CADM1: variants seen among roughly 807,000 people sequenced by gnomAD.
CADM1 encodes the protein TSLC-1.
CADM1 carries 15 observed loss-of-function variants against 53.1 expected under a neutral mutation model. The ratio of observed to expected loss-of-function variants is 0.28; its 90% CI spans 0.19 to 0.44. CADM1 has a LOEUF of 0.44. Among genes scored for constraint, CADM1 ranks in the 20% least tolerant of loss-of-function variants. CADM1 has a pLI of 1.00. For synonymous variants in CADM1, 281 were observed against 243.0 expected, an observed-to-expected ratio of 1.16 and a Z score of -1.45; for missense variants, 434 against 611.3, an observed-to-expected ratio of 0.71 and a Z score of 3.06.
rs539736403 is a variant in CADM1 at position 115,173,538 on chromosome 11, T to C, written c.*2936A>G. The C allele has an allele frequency of 8.5e-4, 138 of 162,308 alleles. No individual in the cohort carries two copies. The highest frequency in any genetic ancestry group is 3.2e-3 in the African/African-American group (132 of 41,774). 10.1% of individuals were successfully genotyped at this position (162,308 alleles called of 1,614,324 possible). ...CTGCCAGCGTTCCTGGCCCCGTACA[T>C]GGTCCTAAGGAGGAAGCTGGGACCA... On this transcript the variant is annotated 3_prime_UTR_variant, in exon 12 of 12. Coordinates refer to ENST00000331581, the MANE Select transcript of CADM1 (RefSeq NM_001301043.2).
intron 1 of CADM1, among the ~76,000 whole-genome samples, chr11:115,501,766 CTGGG>C (rs1345023008): frequency 6.6e-6 from 1 of 152,066 alleles, no homozygotes; most frequent in Non-Finnish European, 1.5e-5. Context: ...TTCTTTAACC[CTGGG>C]AGTGGGAACT....
At chr11:115,406,130 T>A (rs1010299401) in intron 1 of CADM1, among the ~76,000 whole-genome samples, 1 of 152,222 alleles carries the variant, frequency 6.6e-6, no homozygotes, top group Non-Finnish European at 1.5e-5. Flanking sequence ...CTTGACTTTA[T>A]ATTGGTATAA....
At chr11:115,427,419 A>G (rs1947917683) in intron 1 of CADM1, among the ~76,000 whole-genome samples, 1 of 152,220 alleles carries the variant, frequency 6.6e-6, no homozygotes, top group South Asian at 2.1e-4. Context: ...GCAGGTGTAG[A>G]ATGATGAGGA....
intron 8 of CADM1, among the ~76,000 whole-genome samples, chr11:115,207,971 A>G (rs1411741241): frequency 6.6e-6 from 1 of 152,256 alleles, no homozygotes; most frequent in Non-Finnish European, 1.5e-5. Context: ...TCTTAGTATG[A>G]AAAGCTGATA....
intron 1 of CADM1, among the ~76,000 whole-genome samples, chr11:115,503,231 C>G (rs915481229): frequency 1.3e-5 from 2 of 152,230 alleles, no homozygotes; most frequent in Non-Finnish European, 2.9e-5. Flanking sequence ...AAACACTGCC[C>G]TCTTCTTTCC....
intron 1 of CADM1, among the ~76,000 whole-genome samples, chr11:115,494,081 T>G (rs1200206018): frequency 6.6e-6 from 1 of 152,186 alleles, no homozygotes; most frequent in Admixed American, 6.5e-5. Flanking sequence ...TGATGCAATG[T>G]GCTTTCATGT....
intron 3 of CADM1, among the ~76,000 whole-genome samples, chr11:115,233,661 A>T (rs1331788917): frequency 6.6e-6 from 1 of 152,236 alleles, no homozygotes; most frequent in African/African-American, 2.4e-5. Context: ...AAATGAAAAC[A>T]ACTAAGGTGT....
intron 1 of CADM1, among the ~76,000 whole-genome samples, chr11:115,435,628 G>A (rs1203153618): frequency 1.3e-5 from 2 of 152,184 alleles, no homozygotes; most frequent in African/African-American, 4.8e-5. Context: ...AGCTACTCAG[G>A]AGGCTGAGGC....
chr11:115,483,377 G>A (rs1949299174), intron 1 of CADM1, among the ~76,000 whole-genome samples: 1 of 152,102 alleles, frequency 6.6e-6, no homozygotes, highest in East Asian at 1.9e-4. Flanking sequence ...AATGTGAATT[G>A]GCATACGGCA....
Position 115,176,159 on chromosome 11 carries a change from C to A in CADM1, c.*315G>T. 8.5e-7 allele frequency: 1 copy of A among 1,177,090 alleles called. No homozygotes were observed. The highest frequency in any genetic ancestry group is 1.7e-5 in the South Asian group (1 of 57,242). 72.9% of individuals were successfully genotyped at this position (1,177,090 alleles called of 1,614,324 possible). ...AAAGGGGGAAAAGAAAGGAACGCAACAAACAAACAAAAAACAAGGCACAGA... is the reference window on the plus strand; with the variant it reads ...AAAGGGGGAAAAGAAAGGAACGCAAAAAACAAACAAAAAACAAGGCACAGA... On this transcript the variant is annotated 3_prime_UTR_variant, in exon 12 of 12. Coordinates refer to ENST00000331581, the MANE Select transcript of CADM1 (RefSeq NM_001301043.2).
chr11:115,425,620 G>T (rs1947870484), intron 1 of CADM1, among the ~76,000 whole-genome samples: 1 of 152,278 alleles, frequency 6.6e-6, no homozygotes, highest in East Asian at 1.9e-4. Flanking sequence ...TTAAGCTTTG[G>T]GTTAGATTGC....
intron 1 of CADM1, among the ~76,000 whole-genome samples, chr11:115,278,781 G>C (rs749008878): frequency 3.9e-5 from 6 of 152,310 alleles, no homozygotes; most frequent in Non-Finnish European, 7.4e-5. Flanking sequence ...GCCTGAACCA[G>C]GGAGGGAGGA....
chr11:115,369,330 T>C (rs1476299520), intron 1 of CADM1, among the ~76,000 whole-genome samples: 1 of 152,186 alleles, frequency 6.6e-6, no homozygotes, highest in East Asian at 1.9e-4. Flanking sequence ...TTAAGAAAGC[T>C]GTAATTTTTA....
intron 5 of CADM1, among the ~76,000 whole-genome samples, chr11:115,220,256 A>G (rs1293457376): frequency 6.6e-6 from 1 of 152,144 alleles, no homozygotes; most frequent in Admixed American, 6.6e-5. Context: ...ACTTCCATCA[A>G]TAATAAAGAC....
In CADM1 at chr11:115,171,170, G is replaced by A. The variant is rs1032624321; in HGVS notation, c.*5304C>T. On this transcript the variant is annotated 3_prime_UTR_variant, in exon 12 of 12. Coordinates refer to ENST00000331581, the MANE Select transcript of CADM1 (RefSeq NM_001301043.2). ...TGGCTGTGAATACAAATTTCACCCT[G>A]AAGGAATGTGGCTGCCAGTTCTTCA... The A allele has an allele frequency of 2.0e-5, 3 of 152,214 alleles. No individual in the cohort carries two copies. Among genetic ancestry groups the A allele is most frequent in the African/African-American group, 7.2e-5 (3 of 41,458 alleles). The allele number at this position is 152,214 out of a possible 1,614,324, so 9.4% of individuals were successfully genotyped here.
chr11:115,453,280 T>C (rs1014160727), intron 1 of CADM1, among the ~76,000 whole-genome samples: 3 of 151,724 alleles, frequency 2.0e-5, no homozygotes, highest in African/African-American at 4.8e-5. Context: ...GGGAGATGGA[T>C]TGCTTGAGCC....
intron 10 of CADM1, among the ~76,000 whole-genome samples, chr11:115,181,941 C>T (rs937511296): frequency 6.6e-6 from 1 of 152,162 alleles, no homozygotes; most frequent in African/African-American, 2.4e-5. Flanking sequence ...GAAGGAAATA[C>T]CGAGCACTAA....
chr11:115,248,499 A>G (rs1008594976), intron 1 of CADM1, among the ~76,000 whole-genome samples: 3 of 152,190 alleles, frequency 2.0e-5, no homozygotes, highest in African/African-American at 7.2e-5. Context: ...CTAAACTTGA[A>G]GATCTGAATT....
intron 1 of CADM1, among the ~76,000 whole-genome samples, chr11:115,464,646 C>A (rs1185904755): frequency 6.6e-6 from 1 of 152,124 alleles, no homozygotes; most frequent in Non-Finnish European, 1.5e-5. Context: ...TCAAGTGGAA[C>A]TTTTTTGTTT....
Sources: gnomAD v4.1 joint callset for allele counts (sites outside exome capture counted in the v4.1 genomes callset) on GRCh38, gnomAD v4.1.1 for gene constraint, MANE v1.5 for transcripts, NCBI Gene and HGNC (gene_info 2026-07-23, HGNC 2026-07-21) for gene names.